Variants in PDIK1L observed in about 807,000 individuals in gnomAD.
The protein encoded by PDIK1L is PDLIM1 interacting kinase 1 like.
PDIK1L carries 9 observed loss-of-function variants against 27.1 expected under a neutral mutation model. That is an observed-to-expected ratio of 0.33 (90% CI 0.20 to 0.58). The LOEUF is 0.58. PDIK1L is among the 20% of genes least tolerant of loss of function. PDIK1L has a pLI of 0.86. For missense variants in PDIK1L, 216 were observed against 413.2 expected (o/e 0.52, Z 4.14); for synonymous variants, 130 against 141.7 (o/e 0.92, Z 0.59).
intron 2 of PDIK1L, among the ~76,000 whole-genome samples, chr1:26,120,901 G>A (rs983292531): frequency 8.8e-5 from 13 of 148,432 alleles, no homozygotes; most frequent in East Asian, 7.9e-4. Flanking sequence ...GCAGTGAGCC[G>A]AGATTGCGCC....
chr1:26,119,002 A>G (rs1458601256), intron 2 of PDIK1L, among the ~76,000 whole-genome samples: 2 of 152,238 alleles, frequency 1.3e-5, no homozygotes, highest in Non-Finnish European at 2.9e-5. Context: ...AGAGGTTACA[A>G]TCTCATGCAT....
Position 26,122,906 on chromosome 1 carries a change from G to C in PDIK1L, c.*329G>C, listed in dbSNP as rs774130994. The C allele has an allele frequency of 1.7e-5, 3 of 181,036 alleles. No homozygotes were observed. Among genetic ancestry groups the C allele is most frequent in the Admixed American group, 5.7e-5 (1 of 17,670 alleles). 11.2% of individuals were successfully genotyped at this position (181,036 alleles called of 1,614,324 possible). ...TAAGTATTTTAGACATTCCTCGTCA[G>C]TATTAGGAATTTCCATGGGAAAAGA... On this transcript the variant is annotated 3_prime_UTR_variant, in exon 3 of 3. Transcript: ENST00000374269. The surrounding 1 kb of genome is among the most constrained non-coding windows in gnomAD (Gnocchi z 5.4).
Position 26,114,636 on chromosome 1 carries a change from C to A in PDIK1L, c.285+43C>A. 1 of 1,585,702 alleles carries A rather than the reference C, an allele frequency of 6.3e-7. No homozygotes were observed. The highest frequency in any genetic ancestry group is 8.6e-7 in the Non-Finnish European group (1 of 1,160,340). ...GGAAATAGAAATGATTTGAACATGG[C>A]ATTGGCCAGCAAGAAGAGGAATGAA... is the stretch of plus-strand genomic sequence containing the variant. On this transcript the variant is annotated intron_variant, in intron 2 of 2. Transcript: ENST00000374269. The surrounding 1 kb of genome is among the most constrained non-coding windows in gnomAD (Gnocchi z 4.8).
chr1:26,115,173 G>A (rs2087857628), intron 2 of PDIK1L, among the ~76,000 whole-genome samples: 1 of 152,186 alleles, frequency 6.6e-6, no homozygotes, highest in Non-Finnish European at 1.5e-5. Context: ...TGCTTTAAAA[G>A]CAGTTGCTCA....
intron 2 of PDIK1L, among the ~76,000 whole-genome samples, chr1:26,121,423 G>A (rs1042523309): frequency 6.6e-6 from 1 of 152,154 alleles, no homozygotes; most frequent in Non-Finnish European, 1.5e-5. Flanking sequence ...TATTTCAGGC[G>A]ATTTCATTGA....
At position 26,114,434 on chromosome 1, in the gene PDIK1L, C is replaced by T. The variant is rs1223467769; in HGVS notation, c.126C>T (p.His42=). Residue 42 remains histidine (H), a synonymous_variant, in exon 2 of 3, where the codon CAC becomes CAT. Coordinates refer to ENST00000374269, the MANE Select transcript of PDIK1L (RefSeq NM_152835.5). The surrounding 1 kb of genome is among the most constrained non-coding windows in gnomAD (Gnocchi z 4.8). ...TGGCAGTGAAGAAAATTCGATGTCACGCACCTGAAAATGTTGAACTAGCCC... is the reference window on the plus strand; with the variant it reads ...TGGCAGTGAAGAAAATTCGATGTCATGCACCTGAAAATGTTGAACTAGCCC... ...ARVAVKKIRC[H]APENVELALR... 1 of 1,614,088 alleles carries T rather than the reference C, an allele frequency of 6.2e-7. No individual in the cohort carries two copies. The highest frequency in any genetic ancestry group is 2.2e-5 in the East Asian group (1 of 44,880).
rs1012645978 is a variant in PDIK1L, at chr1:26,123,623, T to A, written c.*1046T>A. The A allele has an allele frequency of 6.6e-6, 1 of 152,624 alleles. No individual in the cohort carries two copies. The highest frequency in any genetic ancestry group is 1.5e-5 in the Non-Finnish European group (1 of 68,032). 9.5% of individuals were successfully genotyped at this position (152,624 alleles called of 1,614,324 possible). ...TGCCCTGATATGATCACTTGTTGAG[T>A]CACTGGAGTTCCTTTCATTTTGGCA... On this transcript the variant is annotated 3_prime_UTR_variant, in exon 3 of 3. Transcript: ENST00000374269.
rs1384755157 is a variant in PDIK1L, at chr1:26,111,968, C to T, written c.-18+53C>T. On this transcript the variant is annotated intron_variant, in intron 1 of 2. Coordinates refer to ENST00000374269, the MANE Select transcript of PDIK1L (RefSeq NM_152835.5). This position sits in a 1 kb window ranked among gnomAD's most constrained non-coding sequence, Gnocchi z 4.0. The stretch of plus-strand genomic sequence containing the variant: ...GAGGTCTTGCTGCAGAGCCGATGGC[C>T]CTGCATGTGCCTCCCTCCCTGGGAG... 2.0e-5 allele frequency: 3 copies of T among 152,166 alleles called. No homozygotes were observed. The East Asian group carries it at 5.8e-4, about 30-fold the overall frequency. The allele number at this position is 152,166 out of a possible 1,614,324, so 9.4% of individuals were successfully genotyped here. A position where few individuals can be genotyped will look rare whatever the true frequency, so the allele number is the denominator to read the frequency against.
chr1:26,114,856 G>A lies in PDIK1L; in HGVS notation c.285+263G>A, dbSNP rs1278362552. On this transcript the variant is annotated intron_variant, in intron 2 of 2. Coordinates refer to ENST00000374269, the MANE Select transcript of PDIK1L (RefSeq NM_152835.5). The surrounding 1 kb of genome is among the most constrained non-coding windows in gnomAD (Gnocchi z 4.8). The stretch of plus-strand genomic sequence containing the variant: ...TCTGCATAGGAATGGGGCAAGATAG[G>A]AACTAGAGAGGTGCTTGAGACTACA... Among the ~76,000 whole-genome samples, 1 of 152,194 alleles carries A rather than the reference G, an allele frequency of 6.6e-6. No homozygotes were observed. Among genetic ancestry groups the A allele is most frequent in the Admixed American group, 6.5e-5 (1 of 15,276 alleles).
chr1:26,112,218 C>T (rs956736944), intron 1 of PDIK1L, among the ~76,000 whole-genome samples: 8 of 152,232 alleles, frequency 5.3e-5, no homozygotes, highest in Non-Finnish European at 1.2e-4. Flanking sequence ...GGGGGAGGGC[C>T]TGACACTTGG....
Position 26,114,202 on chromosome 1 carries a change from C to T in PDIK1L, c.-17-90C>T. On this transcript the variant is annotated intron_variant, in intron 1 of 2. Coordinates refer to ENST00000374269, the MANE Select transcript of PDIK1L (RefSeq NM_152835.5). This position sits in a 1 kb window ranked among gnomAD's most constrained non-coding sequence, Gnocchi z 4.8. ...ATATCCTTCAAGCACTGCAGACAGT[C>T]AGACAGATGACAAGTAAATCATACA... 4 of 1,297,006 alleles carry T rather than the reference C, an allele frequency of 3.1e-6. No individual in the cohort carries two copies. The highest frequency in any genetic ancestry group is 4.2e-6 in the Non-Finnish European group (4 of 953,662). The allele number at this position is 1,297,006 out of a possible 1,614,324, so 80.3% of individuals were successfully genotyped here. A position where few individuals can be genotyped will look rare whatever the true frequency, so the allele number is the denominator to read the frequency against.
intron 2 of PDIK1L, among the ~76,000 whole-genome samples, chr1:26,116,536 C>T (rs1454255563): frequency 4.6e-5 from 7 of 152,134 alleles, no homozygotes. Flanking sequence ...GAAAACAAAA[C>T]CTCTGTTTTT....
At position 26,124,760 on chromosome 1, in the gene PDIK1L, G is replaced by A. The variant is rs1403626931; in HGVS notation, c.*2183G>A. ...TCTAAAATAGCCAAGCAAAATGATA[G>A]TAAATTCTTTGTCTTTGTTCTTTCA... On this transcript the variant is annotated 3_prime_UTR_variant, in exon 3 of 3. Transcript: ENST00000374269. 1 of 152,170 alleles carries A rather than the reference G, an allele frequency of 6.6e-6. No individual in the cohort carries two copies. 9.4% of individuals were successfully genotyped at this position (152,170 alleles called of 1,614,324 possible).
In PDIK1L at chr1:26,114,404, A is replaced by G. The variant is rs1375306524; in HGVS notation, c.96A>G (p.Ala32=). 5 of 1,614,020 alleles carry G rather than the reference A, an allele frequency of 3.1e-6. No individual in the cohort carries two copies. The Admixed American group carries it at 5.0e-5, about 16-fold the overall frequency. ...VYEAVIRKTS[A]RVAVKKIRCH... is the part of the protein sequence containing the mutation. ...AAGCAGTCATCAGAAAGACCTCTGC[A>G]CGGGTGGCAGTGAAGAAAATTCGAT... The change falls in exon 2 of 3, where the codon GCA becomes GCG. Residue 32 remains alanine, a synonymous_variant. Transcript: ENST00000374269. This position sits in a 1 kb window ranked among gnomAD's most constrained non-coding sequence, Gnocchi z 4.8.
At chr1:26,113,350 G>A (rs2087827563) in intron 1 of PDIK1L, among the ~76,000 whole-genome samples, 1 of 151,882 alleles carries the variant, frequency 6.6e-6, no homozygotes, top group South Asian at 2.1e-4. Context: ...AAAATAGCCG[G>A]GTGTGGTGGC....
At chr1:26,119,122 C>T (rs930055544) in intron 2 of PDIK1L, among the ~76,000 whole-genome samples, 5 of 152,196 alleles carry the variant, frequency 3.3e-5, no homozygotes, top group African/African-American at 7.2e-5. Context: ...AGTTACGAAT[C>T]GTTGGCTGGA....
intron 2 of PDIK1L, among the ~76,000 whole-genome samples, chr1:26,115,536 T>C (rs1413922083): frequency 6.6e-6 from 1 of 152,234 alleles, no homozygotes; most frequent in Non-Finnish European, 1.5e-5. Context: ...GCACAGTGGC[T>C]CACGCCTGTA....
At position 26,119,164 on chromosome 1, in the gene PDIK1L, T is replaced by G. The variant is rs529110361; in HGVS notation, c.286-2673T>G. ...GGCTTACGCCTGCAATCCCAGCACT[T>G]TGGGAGGCTGAGGCAGGTGAATCAC... is the stretch of plus-strand genomic sequence containing the variant. On this transcript the variant is annotated intron_variant, in intron 2 of 2. Transcript: ENST00000374269. 1.4e-4 allele frequency among the ~76,000 whole-genome samples: 21 copies of G among 152,308 alleles called. No homozygotes were observed. The East Asian group carries it at 3.5e-3, about 25-fold the overall frequency.
chr1:26,118,879 T>A (rs1329340072), intron 2 of PDIK1L, among the ~76,000 whole-genome samples: 1 of 152,234 alleles, frequency 6.6e-6, no homozygotes, highest in Non-Finnish European at 1.5e-5. Flanking sequence ...ATACGGATTT[T>A]AATTTTTCTC....
Sources: gnomAD v4.1 joint callset for allele counts (sites outside exome capture counted in the v4.1 genomes callset) on GRCh38, gnomAD v4.1.1 for gene constraint, Gnocchi (gnomAD v3.1) non-coding constraint, MANE v1.5 for transcripts, NCBI Gene and HGNC (gene_info 2026-07-23, HGNC 2026-07-21) for gene names.